EDIL3: variants seen among roughly 807,000 people sequenced by gnomAD.
EDIL3 encodes the protein EGF like and discoidin domains 3, also known as EGF-like repeat and discoidin I-like domain-containing protein 3.
A neutral mutation model predicts 67.4 loss-of-function variants in EDIL3; 37 were observed. The observed-to-expected ratio is 0.55, with a 90% confidence interval of 0.42 to 0.72. The LOEUF is 0.72. EDIL3 is among the 30% of genes least tolerant of loss of function. The probability of loss-of-function intolerance (pLI) is 0.00; values close to 1 mark genes in which losing one functional copy is unlikely to be tolerated. For missense variants in EDIL3, 527 were observed against 586.3 expected (o/e 0.90, Z 1.04); for synonymous variants, 195 against 196.3 (o/e 0.99, Z 0.05).
intron 9 of EDIL3, among the ~76,000 whole-genome samples, chr5:84,059,058 G>A (rs1177649059): frequency 6.6e-6 from 1 of 152,072 alleles, no homozygotes; most frequent in African/African-American, 2.4e-5. Flanking sequence ...AAAAAAGTGA[G>A]TATTTCTACT....
At chr5:84,030,595 A>G (rs1480659382) in intron 9 of EDIL3, among the ~76,000 whole-genome samples, 4 of 152,216 alleles carry the variant, frequency 2.6e-5, no homozygotes, top group African/African-American at 4.8e-5. Context: ...AAACATACTA[A>G]TTTAAATGTG....
At chr5:84,125,322 A>C (rs1445442042) in intron 5 of EDIL3, among the ~76,000 whole-genome samples, 1 of 152,056 alleles carries the variant, frequency 6.6e-6, no homozygotes, top group Non-Finnish European at 1.5e-5. Context: ...TGTTTGTCTC[A>C]TCACTTGCAT....
At chr5:84,305,914 A>G (rs62360088) in intron 1 of EDIL3, among the ~76,000 whole-genome samples, 55,154 of 147,250 alleles carry the variant, frequency 0.37, 10,952 homozygotes, top group South Asian at 0.48. Context: ...TAAATAAATA[A>G]ATAAATAGAT....
intron 4 of EDIL3, among the ~76,000 whole-genome samples, chr5:84,153,467 G>A (rs1421035799): frequency 1.3e-5 from 2 of 151,334 alleles, no homozygotes; most frequent in Non-Finnish European, 2.9e-5. Context: ...GCTAATTTTT[G>A]TATTTTTAAT....
intron 5 of EDIL3, among the ~76,000 whole-genome samples, chr5:84,136,436 C>T (rs753668771): frequency 6.6e-6 from 1 of 152,142 alleles, no homozygotes; most frequent in Non-Finnish European, 1.5e-5. Context: ...AGGCCCCATC[C>T]CATTGACTTT....
At chr5:84,113,135 T>C (rs1956243450) in intron 5 of EDIL3, among the ~76,000 whole-genome samples, 1 of 152,170 alleles carries the variant, frequency 6.6e-6, no homozygotes, top group South Asian at 2.1e-4. Flanking sequence ...TCCCCATTGT[T>C]ACCTCTAGAG....
At chr5:84,373,907 A>G (rs1747910453) in intron 1 of EDIL3, among the ~76,000 whole-genome samples, 1 of 152,190 alleles carries the variant, frequency 6.6e-6, no homozygotes, top group Non-Finnish European at 1.5e-5. Flanking sequence ...ACTTAAAAAC[A>G]GAGATGGGAA....
At position 84,096,379 on chromosome 5, in the gene EDIL3, T is replaced by C. The variant is rs573264682; in HGVS notation, c.651+10270A>G. ...GCCCAAGACCATGGGAACCCACCTC[T>C]TGCATCAGCTTGACATGGATGTGAG... On this transcript the variant is annotated intron_variant, in intron 6 of 10. Coordinates refer to ENST00000296591, the MANE Select transcript of EDIL3 (RefSeq NM_005711.5). Among the ~76,000 whole-genome samples, 21 of 152,330 alleles carry C rather than the reference T, an allele frequency of 1.4e-4. No individual in the cohort carries two copies. The South Asian group carries it at 4.3e-3, about 32-fold the overall frequency.
intron 3 of EDIL3, among the ~76,000 whole-genome samples, chr5:84,220,733 A>C (rs564354821): frequency 6.6e-6 from 1 of 152,194 alleles, no homozygotes; most frequent in East Asian, 1.9e-4. Context: ...CTCATACTCC[A>C]TGGGACAGTC....
At chr5:83,956,804 G>A (rs1474522367) in intron 10 of EDIL3, among the ~76,000 whole-genome samples, 1 of 151,608 alleles carries the variant, frequency 6.6e-6, no homozygotes, top group Non-Finnish European at 1.5e-5. Context: ...ATTACACATT[G>A]CATGCCTGTA....
chr5:84,241,563 C>G (rs1744794240), intron 2 of EDIL3, among the ~76,000 whole-genome samples: 1 of 151,944 alleles, frequency 6.6e-6, no homozygotes, highest in Non-Finnish European at 1.5e-5. Context: ...AAAAATAGGG[C>G]TCTCTTTTTC....
intron 9 of EDIL3, among the ~76,000 whole-genome samples, chr5:84,058,055 C>T (rs1361349806): frequency 2.0e-5 from 3 of 152,010 alleles, no homozygotes; most frequent in Non-Finnish European, 4.4e-5. Flanking sequence ...AAGGTATATC[C>T]GAACTGAAGC....
chr5:84,074,262 C>A (rs1410507013), intron 6 of EDIL3, among the ~76,000 whole-genome samples: 1 of 148,408 alleles, frequency 6.7e-6, no homozygotes, highest in Non-Finnish European at 1.5e-5. Context: ...AAAACCTAGG[C>A]ATTACCATTC....
chr5:84,258,970 C>CA (rs1745172378), intron 1 of EDIL3, among the ~76,000 whole-genome samples: 1 of 77,924 alleles, frequency 1.3e-5, no homozygotes, highest in African/African-American at 5.5e-5. Flanking sequence ...TTCGTAGAGT[C>CA]TTTTTTTTTT....
At chr5:84,340,221 G>C (rs1284328932) in intron 1 of EDIL3, among the ~76,000 whole-genome samples, 1 of 151,412 alleles carries the variant, frequency 6.6e-6, no homozygotes, top group African/African-American at 2.4e-5. Context: ...CTTCATAAAT[G>C]TAAATAACTT....
At chr5:84,254,249 T>C (rs1262821814) in intron 1 of EDIL3, 37 bp from the exon 2 acceptor site, 3 of 1,589,760 alleles carry the variant, frequency 1.9e-6, no homozygotes, top group Non-Finnish European at 1.7e-6. Flanking sequence ...GACATTTTTT[T>C]TTTGTCTTGG....
intron 1 of EDIL3, among the ~76,000 whole-genome samples, chr5:84,276,109 C>A (rs1561242740): frequency 6.6e-6 from 1 of 152,178 alleles, no homozygotes. Context: ...TTCCTTCCTA[C>A]ACACCTTTCT....
At chr5:84,312,582 G>A (rs1468544364) in intron 1 of EDIL3, among the ~76,000 whole-genome samples, 10 of 141,178 alleles carry the variant, frequency 7.1e-5, no homozygotes, top group South Asian at 4.4e-4. Flanking sequence ...CCACCCTCCC[G>A]GACGGGGCGG....
intron 1 of EDIL3, among the ~76,000 whole-genome samples, chr5:84,324,427 A>G (rs1746709023): frequency 6.6e-6 from 1 of 151,948 alleles, no homozygotes; most frequent in Non-Finnish European, 1.5e-5. Flanking sequence ...AGTGCTAAAG[A>G]GTAAATACAT....
Sources: allele counts gnomAD v4.1 joint callset (sites outside exome capture counted in the v4.1 genomes callset), GRCh38; gene constraint gnomAD v4.1.1; transcripts MANE v1.5; gene names NCBI Gene and HGNC (gene_info 2026-07-23, HGNC 2026-07-21).